Variants in SYT1 observed in about 807,000 individuals in gnomAD.
The protein encoded by SYT1 is synaptotagmin-1.
Under a neutral mutation model 44.8 loss-of-function variants are expected in SYT1, and 8 were observed. That is an observed-to-expected ratio of 0.18 (90% CI 0.10 to 0.32). The LOEUF is 0.32. Ranked by LOEUF, SYT1 falls within the 10% of genes least tolerant of loss-of-function variation. SYT1 has a pLI of 1.00. For missense variants in SYT1, 286 were observed against 509.3 expected (o/e 0.56, Z 4.22); for synonymous variants, 154 against 188.8 (o/e 0.82, Z 1.51).
chr12:79,321,729 T>A (rs991063115), intron 8 of SYT1, among the ~76,000 whole-genome samples: 2 of 152,180 alleles, frequency 1.3e-5, no homozygotes, highest in African/African-American at 4.8e-5. Flanking sequence ...CATCAGGGGA[T>A]ACATTCATGG....
At chr12:79,094,821 CA>C (rs1878016986) in intron 3 of SYT1, among the ~76,000 whole-genome samples, 1 of 151,726 alleles carries the variant, frequency 6.6e-6, no homozygotes, top group Admixed American at 6.6e-5. Context: ...AACTCAACAG[CA>C]AAAATAATTC....
chr12:79,124,802 CT>C (rs1313006425), intron 3 of SYT1, among the ~76,000 whole-genome samples: 2 of 151,706 alleles, frequency 1.3e-5, no homozygotes, highest in African/African-American at 4.8e-5. Context: ...TATCTCTACT[CT>C]TTTTTTTAAT....
chr12:79,077,264 A>C (rs1876723269), intron 3 of SYT1, among the ~76,000 whole-genome samples: 1 of 152,188 alleles, frequency 6.6e-6, no homozygotes, highest in Non-Finnish European at 1.5e-5. Context: ...GCCCAGATAC[A>C]AAGCACTGCC....
chr12:79,439,918 T>TAA (rs34505923), intron 9 of SYT1, among the ~76,000 whole-genome samples: 15,678 of 146,562 alleles, frequency 0.11, 935 homozygotes, highest in Middle Eastern at 0.15. Flanking sequence ...TTGAATTCTT[T>TAA]AAAAAAAAAA....
chr12:79,289,530 G>A (rs893791686), intron 5 of SYT1, among the ~76,000 whole-genome samples: 5 of 152,122 alleles, frequency 3.3e-5, no homozygotes, highest in African/African-American at 1.2e-4. Flanking sequence ...AGATGGTCCT[G>A]CCTTCTATTC....
At chr12:79,105,811 C>T (rs1359140866) in intron 3 of SYT1, among the ~76,000 whole-genome samples, 5 of 151,106 alleles carry the variant, frequency 3.3e-5, no homozygotes, top group Non-Finnish European at 5.9e-5. Flanking sequence ...ACCCGGGAGG[C>T]GGAGCTTGCA....
At chr12:79,414,108 T>C (rs2136140409) in intron 9 of SYT1, among the ~76,000 whole-genome samples, 1 of 152,318 alleles carries the variant, frequency 6.6e-6, no homozygotes, top group South Asian at 2.1e-4. Context: ...TCCAATTGTC[T>C]TGCTGAAGTC....
chr12:78,892,195 T>C (rs1875094664), intron 1 of SYT1, among the ~76,000 whole-genome samples: 1 of 151,808 alleles, frequency 6.6e-6, no homozygotes, highest in Non-Finnish European at 1.5e-5. Flanking sequence ...AAAAACCAGG[T>C]GGCTTCACTC....
intron 1 of SYT1, among the ~76,000 whole-genome samples, chr12:78,974,737 T>C (rs1868691589): frequency 1.3e-5 from 2 of 152,094 alleles, no homozygotes. Context: ...CCCCCGGCCC[T>C]GAAAATTATT....
At chr12:78,892,312 T>A (rs553575700) in intron 1 of SYT1, among the ~76,000 whole-genome samples, 1 of 151,822 alleles carries the variant, frequency 6.6e-6, no homozygotes, top group Non-Finnish European at 1.5e-5. Context: ...AATAATCTTA[T>A]CATTCAAATT....
At position 79,102,637 on chromosome 12, in the gene SYT1, A is replaced by G. The variant is rs374058274; in HGVS notation, c.-18+55275A>G. Among the ~76,000 whole-genome samples the G allele has an allele frequency of 2.6e-4, 39 of 152,348 alleles. No homozygotes were observed. The South Asian group carries it at 7.9e-3, about 31-fold the overall frequency. On this transcript the variant is annotated intron_variant, in intron 3 of 10. Transcript: ENST00000261205. ...GTTACCACTGTATCTCCAGTGTCAC[A>G]GCACTTAGCACAGTGCCTGGTACAA... is the stretch of plus-strand genomic sequence containing the variant.
At chr12:79,313,014 A>T (rs1477165345) in intron 8 of SYT1, among the ~76,000 whole-genome samples, 1 of 152,236 alleles carries the variant, frequency 6.6e-6, no homozygotes, top group Non-Finnish European at 1.5e-5. Context: ...TTTTGGACTG[A>T]AAAGCTGAGG....
intron 3 of SYT1, among the ~76,000 whole-genome samples, chr12:79,162,695 AT>A (rs1871021723): frequency 6.6e-6 from 1 of 152,048 alleles, no homozygotes; most frequent in East Asian, 1.9e-4. Flanking sequence ...ACCCTTAGTT[AT>A]TTTTTCACAT....
intron 1 of SYT1, among the ~76,000 whole-genome samples, chr12:78,891,666 C>T (rs892649632): frequency 2.0e-5 from 3 of 151,730 alleles, no homozygotes; most frequent in African/African-American, 7.3e-5. Context: ...CTTAAGACAC[C>T]TCAGAACATG....
chr12:79,100,038 TTAAAG>T (rs1304313443), intron 3 of SYT1, among the ~76,000 whole-genome samples: 1 of 152,134 alleles, frequency 6.6e-6, no homozygotes, highest in African/African-American at 2.4e-5. Flanking sequence ...TCTTTGAACT[TTAAAG>T]TAATAGAGTA....
chr12:78,943,400 G>A (rs1878489859), intron 1 of SYT1, among the ~76,000 whole-genome samples: 1 of 152,134 alleles, frequency 6.6e-6, no homozygotes, highest in South Asian at 2.1e-4. Flanking sequence ...CACCTCACAT[G>A]GTCAGAGCAG....
chr12:79,359,409 C>G (rs1182600183), intron 9 of SYT1, among the ~76,000 whole-genome samples: 1 of 152,178 alleles, frequency 6.6e-6, no homozygotes, highest in African/African-American at 2.4e-5. Context: ...AGTCCTCTTC[C>G]TGGCCATCCC....
chr12:79,051,691 G>A (rs1448763743), intron 3 of SYT1, among the ~76,000 whole-genome samples: 1 of 151,948 alleles, frequency 6.6e-6, no homozygotes, highest in Admixed American at 6.6e-5. Context: ...AATGAAAAAT[G>A]TCTACCCAGC....
chr12:79,350,246 CTT>C (rs1166413638), intron 8 of SYT1, among the ~76,000 whole-genome samples: 243 of 97,516 alleles, frequency 2.5e-3, no homozygotes, highest in African/African-American at 8.5e-3. Flanking sequence ...GATGCATATT[CTT>C]TTTTTTTTTT....
Sources: allele counts gnomAD v4.1 joint callset (sites outside exome capture counted in the v4.1 genomes callset), GRCh38; gene constraint gnomAD v4.1.1; transcripts MANE v1.5; gene names NCBI Gene and HGNC (gene_info 2026-07-23, HGNC 2026-07-21).